PSMD11: variants seen among roughly 807,000 people sequenced by gnomAD.
The protein encoded by PSMD11 is 26S proteasome non-ATPase regulatory subunit 11.
PSMD11 carries 5 observed loss-of-function variants against 62.3 expected under a neutral mutation model. The observed-to-expected ratio is 0.08, with a 90% confidence interval of 0.04 to 0.17. PSMD11 has a LOEUF of 0.17. Among genes scored for constraint, PSMD11 ranks in the 10% least tolerant of loss-of-function variants. The probability of loss-of-function intolerance (pLI) is 1.00; values close to 1 mark genes in which losing one functional copy is unlikely to be tolerated. For synonymous variants in PSMD11, 191 were observed against 191.8 expected (o/e 1.00, Z 0.03); for missense variants, 310 against 512.9 (o/e 0.60, Z 3.82).
At chr17:32,459,824 G>C (rs1394465990) in intron 3 of PSMD11, among the ~76,000 whole-genome samples, 1 of 151,990 alleles carries the variant, frequency 6.6e-6, no homozygotes, top group Non-Finnish European at 1.5e-5. Flanking sequence ...ATGGGCTTTT[G>C]CCATGTTGGC....
intron 3 of PSMD11, 70 bp from the exon 4 acceptor site, chr17:32,463,979 T>C: frequency 7.1e-7 from 1 of 1,405,330 alleles, no homozygotes; most frequent in Non-Finnish European, 1.0e-6. Context: ...TTTAAGCTGT[T>C]CTCCAAAGCA....
chr17:32,459,067 C>T (rs944437130), intron 3 of PSMD11, among the ~76,000 whole-genome samples: 12 of 144,552 alleles, frequency 8.3e-5, no homozygotes, highest in Non-Finnish European at 7.5e-5. Flanking sequence ...TGCACTCCAG[C>T]CCGGGCAAGA....
Position 32,473,919 on chromosome 17 carries a change from G to T in PSMD11, c.762G>T (p.Met254Ile). 6.2e-7 allele frequency: 1 copy of T among 1,614,200 alleles called. No homozygotes were observed. Among genetic ancestry groups the T allele is most frequent in the East Asian group, 2.2e-5 (1 of 44,888 alleles). Residue 254 changes from methionine (M) to isoleucine (I), a missense_variant, in exon 7 of 14, where the codon ATG becomes ATT. Around this residue, in one of 6 missense-constraint regions of PSMD11, gnomAD observed 47 missense variants for 117.7 expected, o/e 0.40. Transcript: ENST00000261712. ...SPKAITSLKYMLLCKIMLNTP... is the reference protein window; with the variant it reads ...SPKAITSLKYILLCKIMLNTP... ...AGGCCATCACATCTCTGAAGTACAT[G>T]TTGCTGTGCAAAATCATGCTCAACA...
At chr17:32,458,159 T>G (rs1173450144) in intron 3 of PSMD11, among the ~76,000 whole-genome samples, 1 of 152,220 alleles carries the variant, frequency 6.6e-6, no homozygotes, top group Non-Finnish European at 1.5e-5. Flanking sequence ...CTTGGACTAC[T>G]GTAAAAGCCT....
At chr17:32,454,354 T>G in intron 2 of PSMD11, 141 bp from the exon 3 acceptor site, 1 of 804,774 alleles carries the variant, frequency 1.2e-6, no homozygotes, top group Middle Eastern at 2.4e-4. Context: ...CTAGGAATGC[T>G]TTAAACTCCT....
At chr17:32,464,209 C>A in intron 4 of PSMD11, 89 bp downstream of exon 4, 1 of 1,239,806 alleles carries the variant, frequency 8.1e-7, no homozygotes, top group Non-Finnish European at 1.2e-6. Context: ...AAAGTATCTT[C>A]AGCAACTTTG....
chr17:32,450,395 A>C (rs1907455716), intron 2 of PSMD11, among the ~76,000 whole-genome samples: 1 of 149,466 alleles, frequency 6.7e-6, no homozygotes, highest in South Asian at 2.1e-4. Flanking sequence ...AGCTGGGACT[A>C]CAGGCGTGAG....
chr17:32,478,823 A>G (rs1359287975), intron 9 of PSMD11, among the ~76,000 whole-genome samples: 1 of 152,088 alleles, frequency 6.6e-6, no homozygotes, highest in African/African-American at 2.4e-5. Flanking sequence ...TGGGGCTTAC[A>G]TGGTTTGAGC....
intron 9 of PSMD11, 130 bp from the exon 10 acceptor site, chr17:32,479,121 T>C (rs1908415672): frequency 8.2e-7 from 1 of 1,219,926 alleles, no homozygotes; most frequent in Admixed American, 2.4e-5. Context: ...ATCATGCATC[T>C]CCCCAGATCT....
At chr17:32,462,659 T>C (rs1212781251) in intron 3 of PSMD11, among the ~76,000 whole-genome samples, 2 of 152,204 alleles carry the variant, frequency 1.3e-5, no homozygotes, top group Non-Finnish European at 2.9e-5. Flanking sequence ...ATTATGTCCC[T>C]ATAGTTTTTC....
chr17:32,453,350 A>G (rs951469599), intron 2 of PSMD11, among the ~76,000 whole-genome samples: 1 of 152,236 alleles, frequency 6.6e-6, no homozygotes, highest in African/African-American at 2.4e-5. Flanking sequence ...GGATTATGGC[A>G]TTAGTGCCTC....
chr17:32,479,456 G>C lies in PSMD11; in HGVS notation c.1038+80G>C, dbSNP rs973403880. ...TCCCTTCCACACCTGTCCAGAATGG[G>C]AACTCACTTCTAGGGGTGTGCCTGG... On this transcript the variant is annotated intron_variant, in intron 10 of 13. Coordinates refer to ENST00000261712, the MANE Select transcript of PSMD11 (RefSeq NM_002815.4). 3 of 1,556,252 alleles carry C rather than the reference G, an allele frequency of 1.9e-6. No individual in the cohort carries two copies. In the African/African-American group the frequency reaches 4.1e-5, roughly 21 times the overall value.
intron 8 of PSMD11, among the ~76,000 whole-genome samples, chr17:32,476,260 C>G (rs1908318627): frequency 6.6e-6 from 1 of 152,054 alleles, no homozygotes; most frequent in Non-Finnish European, 1.5e-5. Flanking sequence ...GAGTGAGACT[C>G]TGTCTTAAAA....
At chr17:32,462,624 A>G (rs990340689) in intron 3 of PSMD11, among the ~76,000 whole-genome samples, 3 of 152,184 alleles carry the variant, frequency 2.0e-5, no homozygotes, top group Non-Finnish European at 4.4e-5. Flanking sequence ...TTAGGATCTA[A>G]AAGTAGAAGA....
intron 13 of PSMD11, 37 bp downstream of exon 13, chr17:32,480,668 T>G: frequency 6.2e-7 from 1 of 1,610,278 alleles, no homozygotes; most frequent in Non-Finnish European, 8.5e-7. Flanking sequence ...GCTGGGCAGC[T>G]CTGTCTTCTG....
chr17:32,472,046 T>A (rs1446201951), intron 6 of PSMD11, among the ~76,000 whole-genome samples: 1 of 151,990 alleles, frequency 6.6e-6, no homozygotes, highest in Admixed American at 6.5e-5. Context: ...TGGCTAATTT[T>A]TTGTAGAGAT....
intron 2 of PSMD11, among the ~76,000 whole-genome samples, chr17:32,451,251 A>G (rs1907490097): frequency 6.6e-6 from 1 of 152,242 alleles, no homozygotes; most frequent in Admixed American, 6.5e-5. Context: ...GGTGTTAGAA[A>G]GGCACACTGC....
At chr17:32,470,397 C>T (rs757324792) in intron 6 of PSMD11, among the ~76,000 whole-genome samples, 6 of 152,024 alleles carry the variant, frequency 3.9e-5, no homozygotes, top group Non-Finnish European at 8.8e-5. Context: ...ACTGCATCCA[C>T]TGTCTCCTGG....
At chr17:32,474,646 TTGTC>T (rs768262027) in intron 7 of PSMD11, 114 bp from the exon 8 acceptor site, 29 of 991,230 alleles carry the variant, frequency 2.9e-5, no homozygotes, top group Admixed American at 5.4e-5. Context: ...GTTGGGCTGA[TTGTC>T]TGTGTGGGCA....
Sources: allele counts gnomAD v4.1 joint callset (sites outside exome capture counted in the v4.1 genomes callset), GRCh38; gene constraint gnomAD v4.1.1; regional missense constraint gnomAD v4.1.1; transcripts MANE v1.5; gene names NCBI Gene and HGNC (gene_info 2026-07-23, HGNC 2026-07-21).